OLA1: variants seen among roughly 807,000 people sequenced by gnomAD.
The protein encoded by OLA1 is Obg like ATPase 1.
In OLA1, 14 loss-of-function variants were observed where a neutral mutation model predicts 48.4. The ratio of observed to expected loss-of-function variants is 0.29; its 90% confidence interval spans 0.19 to 0.45. The LOEUF is 0.45. Among genes scored for constraint, OLA1 ranks in the 20% least tolerant of loss-of-function variants. OLA1 has a pLI of 1.00. For missense variants in OLA1, 325 were observed against 467.1 expected (o/e 0.70, Z 2.80); for synonymous variants, 127 against 150.4 (o/e 0.84, Z 1.14).
At chr2:174,244,954 G>A (rs1350020671) in intron 2 of OLA1, among the ~76,000 whole-genome samples, 1 of 152,060 alleles carries the variant, frequency 6.6e-6, no homozygotes, top group African/African-American at 2.4e-5. Context: ...AAATATTTTT[G>A]ATTTGAGATT....
At chr2:174,134,027 T>C (rs866882749) in intron 5 of OLA1, among the ~76,000 whole-genome samples, 1 of 152,232 alleles carries the variant, frequency 6.6e-6, no homozygotes, top group Non-Finnish European at 1.5e-5. Context: ...ATGGAATCAT[T>C]CACGATGTGA....
chr2:174,228,655 T>C (rs1025882293), intron 3 of OLA1, among the ~76,000 whole-genome samples: 20 of 152,260 alleles, frequency 1.3e-4, no homozygotes, highest in African/African-American at 3.6e-4. Flanking sequence ...CATAGAGGAA[T>C]ATAAGAATAA....
At chr2:174,197,160 A>G (rs1437649199) in intron 4 of OLA1, among the ~76,000 whole-genome samples, 2 of 152,240 alleles carry the variant, frequency 1.3e-5, no homozygotes, top group African/African-American at 4.8e-5. Context: ...CAATAATGGA[A>G]CACTTAGGCA....
chr2:174,211,757 T>C (rs914439905), intron 4 of OLA1, among the ~76,000 whole-genome samples: 4 of 152,208 alleles, frequency 2.6e-5, no homozygotes, highest in Non-Finnish European at 4.4e-5. Flanking sequence ...TCCAATACTG[T>C]AGCAAATAGC....
In OLA1 at chr2:174,220,255, T is replaced by G. The variant is rs573405839; in HGVS notation, c.373+2778A>C. Among the ~76,000 whole-genome samples, 41 of 152,324 alleles carry G rather than the reference T, an allele frequency of 2.7e-4. No individual in the cohort carries two copies. The South Asian group carries it at 7.5e-3, about 28-fold the overall frequency. On this transcript the variant is annotated intron_variant, in intron 4 of 10. Coordinates refer to ENST00000284719, the MANE Select transcript of OLA1 (RefSeq NM_013341.5). ...TTCCATCGCTCCTACTCCTCATCAT[T>G]CATTCTAACCACCATGGCAGTTCTT...
At chr2:174,156,478 A>C (rs1424830855) in intron 4 of OLA1, among the ~76,000 whole-genome samples, 1 of 151,438 alleles carries the variant, frequency 6.6e-6, no homozygotes, top group Admixed American at 6.6e-5. Context: ...CACTGAGCTG[A>C]GGAGTTGAAA....
intron 4 of OLA1, among the ~76,000 whole-genome samples, chr2:174,201,077 C>T (rs1472926173): frequency 6.6e-6 from 1 of 152,144 alleles, no homozygotes; most frequent in East Asian, 1.9e-4. Context: ...CACTCTATTC[C>T]TAGAAATGCT....
At chr2:174,077,632 T>G (rs1684775730) in intron 10 of OLA1, among the ~76,000 whole-genome samples, 1 of 152,008 alleles carries the variant, frequency 6.6e-6, no homozygotes, top group Admixed American at 6.6e-5. Flanking sequence ...GAAATATTAT[T>G]TTATTGGATA....
chr2:174,246,957 G>T, intron 1 of OLA1, 142 bp from the exon 2 acceptor site: 1 of 456,362 alleles, frequency 2.2e-6, no homozygotes, highest in Non-Finnish European at 3.9e-6. Context: ...CTAACACAGA[G>T]CTAAATCCAC....
At chr2:174,239,714 C>CAAAAAAAAA (rs35332033) in intron 2 of OLA1, among the ~76,000 whole-genome samples, 3 of 60,628 alleles carry the variant, frequency 4.9e-5, no homozygotes, top group Non-Finnish European at 5.9e-5. Context: ...CCCATCTCTA[C>CAAAAAAAAA]AAAAAAAAAA....
chr2:174,193,861 C>T (rs1253257832), intron 4 of OLA1, among the ~76,000 whole-genome samples: 1 of 152,174 alleles, frequency 6.6e-6, no homozygotes, highest in African/African-American at 2.4e-5. Flanking sequence ...CCAGATCAAT[C>T]CTCTGTTGTT....
At chr2:174,163,223 G>A (rs1687054902) in intron 4 of OLA1, among the ~76,000 whole-genome samples, 1 of 151,956 alleles carries the variant, frequency 6.6e-6, no homozygotes, top group Non-Finnish European at 1.5e-5. Flanking sequence ...GTGATTACAG[G>A]GTCACACTGA....
chr2:174,117,330 CTAAG>C (rs1416811603), intron 7 of OLA1, among the ~76,000 whole-genome samples: 13 of 152,184 alleles, frequency 8.5e-5, no homozygotes, highest in African/African-American at 3.1e-4. Flanking sequence ...ACATGAAAGG[CTAAG>C]TAATTTAAAT....
intron 2 of OLA1, among the ~76,000 whole-genome samples, chr2:174,236,058 C>A (rs1688841463): frequency 6.6e-6 from 1 of 151,974 alleles, no homozygotes; most frequent in South Asian, 2.1e-4. Flanking sequence ...ACATAAATAA[C>A]TAAATGCCAT....
intron 7 of OLA1, among the ~76,000 whole-genome samples, chr2:174,089,291 C>A (rs1197768760): frequency 6.6e-6 from 1 of 152,188 alleles, no homozygotes; most frequent in Non-Finnish European, 1.5e-5. Context: ...GATTCATATG[C>A]ATGTTAAACT....
At chr2:174,118,878 G>A (rs914090028) in intron 7 of OLA1, among the ~76,000 whole-genome samples, 1 of 152,014 alleles carries the variant, frequency 6.6e-6, no homozygotes, top group Non-Finnish European at 1.5e-5. Context: ...TATGCATAGG[G>A]TCAGTAGCAT....
intron 4 of OLA1, among the ~76,000 whole-genome samples, chr2:174,179,636 G>C (rs1687489173): frequency 6.6e-6 from 1 of 151,846 alleles, no homozygotes; most frequent in Non-Finnish European, 1.5e-5. Context: ...AAAACTACAT[G>C]CTCCTTACAA....
At chr2:174,079,685 A>G (rs1028521302) in intron 9 of OLA1, among the ~76,000 whole-genome samples, 1 of 151,928 alleles carries the variant, frequency 6.6e-6, no homozygotes, top group Non-Finnish European at 1.5e-5. Flanking sequence ...GAAATGTCTT[A>G]TAATTAACCC....
intron 4 of OLA1, among the ~76,000 whole-genome samples, chr2:174,156,062 G>C (rs925704115): frequency 6.6e-6 from 1 of 152,154 alleles, no homozygotes; most frequent in African/African-American, 2.4e-5. Flanking sequence ...AAGATTTAGA[G>C]TGATAATGTA....
Sources: gnomAD v4.1 joint callset for allele counts (sites outside exome capture counted in the v4.1 genomes callset) on GRCh38, gnomAD v4.1.1 for gene constraint, MANE v1.5 for transcripts, NCBI Gene and HGNC (gene_info 2026-07-23, HGNC 2026-07-21) for gene names.